The following TRPM6 variants were observed in gnomAD, a reference collection of about 807,000 sequenced individuals.
TRPM6 encodes the protein transient receptor potential cation channel subfamily M member 6, also known as channel kinase 2.
A neutral mutation model predicts 247.6 loss-of-function variants in TRPM6; 111 were observed. The ratio of observed to expected loss-of-function variants is 0.45; its 90% CI spans 0.38 to 0.52. TRPM6 has a LOEUF of 0.52. Ranked by LOEUF, TRPM6 falls within the 20% of genes least tolerant of loss-of-function variation. TRPM6 has a pLI of 0.00. For missense variants in TRPM6, 2,126 were observed against 2,421.5 expected (o/e 0.88, Z 2.56); for synonymous variants, 892 against 853.8 (o/e 1.04, Z -0.78).
At chr9:74,797,708 A>G (rs1259108462) in intron 17 of TRPM6, among the ~76,000 whole-genome samples, 1 of 152,160 alleles carries the variant, frequency 6.6e-6, no homozygotes, top group African/African-American at 2.4e-5. Flanking sequence ...ATGCATATAA[A>G]TATGTATTTA....
In TRPM6 at chr9:74,785,988, G is replaced by C; in HGVS notation, c.2805C>G (p.His935Gln). The change falls in exon 21 of 39, where the codon CAC becomes CAG. Residue 935 changes from histidine (H) to glutamine (Q), a missense_variant. By Grantham distance (24) the His-to-Gln change is conservative. This residue lies in a region of TRPM6 where 1,082 missense variants were observed against 1,307.9 expected (regional missense o/e 0.83). Transcript: ENST00000360774. ...TGCAGTAGATCAGTCTTCCCGCTGT[G>C]TGAAAAGGAGGGTCACCCCATCGAA... ...FVLRWGDPPF[H>Q]TAGRLIYCID... 1 of 1,614,258 alleles carries C rather than the reference G, an allele frequency of 6.2e-7. No homozygotes were observed. The highest frequency in any genetic ancestry group is 8.5e-7 in the Non-Finnish European group (1 of 1,180,052).
chr9:74,746,131 C>T (rs1587463123), intron 31 of TRPM6, among the ~76,000 whole-genome samples: 1 of 151,286 alleles, frequency 6.6e-6, no homozygotes, highest in South Asian at 2.1e-4. Context: ...CCCAGCTACT[C>T]GGGAGGCTGA....
intron 23 of TRPM6, among the ~76,000 whole-genome samples, chr9:74,776,740 C>T (rs188905459): frequency 6.6e-6 from 1 of 152,092 alleles, no homozygotes; most frequent in Non-Finnish European, 1.5e-5. Flanking sequence ...TATTCTGAAA[C>T]AATATACCAT....
At chr9:74,849,027 T>C (rs1830199707) in intron 3 of TRPM6, among the ~76,000 whole-genome samples, 2 of 152,178 alleles carry the variant, frequency 1.3e-5, no homozygotes, top group African/African-American at 4.8e-5. Flanking sequence ...TGACCCCTAA[T>C]GTGACTGCAT....
At chr9:74,879,587 C>T (rs1312747205) in intron 1 of TRPM6, among the ~76,000 whole-genome samples, 1 of 152,062 alleles carries the variant, frequency 6.6e-6, no homozygotes, top group African/African-American at 2.4e-5. Context: ...CCTTAAGTCC[C>T]TTCCCAGAGA....
intron 17 of TRPM6, 112 bp downstream of exon 17, chr9:74,800,142 A>G (rs1689164938): frequency 2.0e-6 from 2 of 990,064 alleles, no homozygotes; most frequent in Non-Finnish European, 1.6e-6. Context: ...GAGCTCTCAA[A>G]TATATTAACT....
intron 19 of TRPM6, among the ~76,000 whole-genome samples, chr9:74,789,600 G>C (rs1215329923): frequency 6.6e-6 from 1 of 152,130 alleles, no homozygotes; most frequent in East Asian, 1.9e-4. Context: ...CAATGTATGA[G>C]ACTGCAGTCC....
intron 1 of TRPM6, among the ~76,000 whole-genome samples, chr9:74,867,518 G>T (rs543393262): frequency 1.3e-5 from 2 of 152,214 alleles, no homozygotes; most frequent in African/African-American, 4.8e-5. Flanking sequence ...GTTTAATCTG[G>T]TACTCAACTG....
intron 28 of TRPM6, 147 bp from the exon 29 acceptor site, chr9:74,752,515 G>T: frequency 1.7e-6 from 1 of 594,402 alleles, no homozygotes; most frequent in Non-Finnish European, 3.0e-6. Context: ...GTTTTACCAA[G>T]TTTCCTTTAT....
intron 11 of TRPM6, among the ~76,000 whole-genome samples, chr9:74,815,909 A>C (rs1373100090): frequency 6.6e-6 from 1 of 152,250 alleles, no homozygotes; most frequent in Middle Eastern, 3.2e-3. Flanking sequence ...TTTAAAATGA[A>C]TGTTAATAGT....
At chr9:74,817,281 T>C (rs1370960404) in intron 9 of TRPM6, among the ~76,000 whole-genome samples, 1 of 152,226 alleles carries the variant, frequency 6.6e-6, no homozygotes, top group Non-Finnish European at 1.5e-5. Flanking sequence ...AAATCATGTC[T>C]CCTTTCAAAG....
chr9:74,782,129 T>TC (rs1827483589), intron 23 of TRPM6, among the ~76,000 whole-genome samples: 1 of 152,002 alleles, frequency 6.6e-6, no homozygotes, highest in Admixed American at 6.6e-5. Flanking sequence ...CTGCAGGGGG[T>TC]CCTAGAACAA....
At chr9:74,831,050 T>C (rs138132334) in intron 6 of TRPM6, among the ~76,000 whole-genome samples, 1 of 152,002 alleles carries the variant, frequency 6.6e-6, no homozygotes, top group Non-Finnish European at 1.5e-5. Context: ...ATCACAATAT[T>C]ATTATTATTA....
At chr9:74,760,655 T>C (rs538882171) in intron 27 of TRPM6, among the ~76,000 whole-genome samples, 34 of 152,176 alleles carry the variant, frequency 2.2e-4, no homozygotes, top group East Asian at 3.8e-4. Context: ...ACACATTCAT[T>C]AATATGGCTA....
At chr9:74,735,225 A>C (rs1825654992) in intron 36 of TRPM6, among the ~76,000 whole-genome samples, 2 of 152,026 alleles carry the variant, frequency 1.3e-5, no homozygotes, top group African/African-American at 4.8e-5. Context: ...CTTGTCTCAA[A>C]AAAAAAAACA....
intron 6 of TRPM6, among the ~76,000 whole-genome samples, chr9:74,829,897 G>C (rs186046208): frequency 5.5e-4 from 84 of 152,220 alleles, no homozygotes; most frequent in African/African-American, 1.6e-3. Context: ...GGCCAAGGCA[G>C]GAAGATCACT....
At chr9:74,825,218 C>T (rs1039190582) in intron 7 of TRPM6, among the ~76,000 whole-genome samples, 5 of 152,180 alleles carry the variant, frequency 3.3e-5, no homozygotes, top group African/African-American at 7.2e-5. Flanking sequence ...ACTGATATCA[C>T]GCCATTGCAC....
chr9:74,830,875 T>C (rs538283846), intron 6 of TRPM6, among the ~76,000 whole-genome samples: 2 of 140,130 alleles, frequency 1.4e-5, no homozygotes, highest in African/African-American at 5.2e-5. Context: ...AGTACTGGGG[T>C]TATAGGCATG....
chr9:74,787,351 G>GA (rs971199796), intron 20 of TRPM6, among the ~76,000 whole-genome samples: 7 of 137,198 alleles, frequency 5.1e-5, no homozygotes, highest in South Asian at 2.3e-4. Context: ...AAAAAAAAAA[G>GA]AAAAAAAAAG....
Sources: gnomAD v4.1 joint callset for allele counts (sites outside exome capture counted in the v4.1 genomes callset) on GRCh38, gnomAD v4.1.1 for gene constraint, gnomAD v4.1.1 regional missense constraint, MANE v1.5 for transcripts, NCBI Gene and HGNC (gene_info 2026-07-23, HGNC 2026-07-21) for gene names.